PNPLA6: variants seen among roughly 807,000 people sequenced by gnomAD.
PNPLA6 encodes patatin like domain 6, lysophospholipase, also known as patatin-like phospholipase domain-containing protein 6.
A neutral mutation model predicts 153.7 loss-of-function variants in PNPLA6; 105 were observed. The ratio of observed to expected loss-of-function variants is 0.68; its 90% CI spans 0.58 to 0.80. The LOEUF (loss-of-function observed/expected upper bound fraction) is 0.80. PNPLA6 is among the 30% of genes least tolerant of loss of function. The probability of loss-of-function intolerance (pLI) is 0.00; values close to 1 mark genes in which losing one functional copy is unlikely to be tolerated. For synonymous variants in PNPLA6, 825 were observed against 822.2 expected (o/e 1.00, Z -0.06); for missense variants, 1,423 against 1,919.3 (o/e 0.74, Z 4.83).
At chr19:7,550,927 T>A (rs981580092) in intron 16 of PNPLA6, 67 bp from the exon 17 acceptor site, 2 of 1,229,654 alleles carry the variant, frequency 1.6e-6, no homozygotes, top group African/African-American at 3.0e-5. Flanking sequence ...TACAGCCCCC[T>A]TTCCACCCAT....
intron 26 of PNPLA6, 195 bp downstream of exon 26, chr19:7,556,919 C>T: frequency 1.5e-6 from 1 of 687,898 alleles, no homozygotes; most frequent in Non-Finnish European, 2.6e-6. Context: ...GGGAGGGGAG[C>T]AGGGAGACTC....
intron 24 of PNPLA6, 83 bp from the exon 25 acceptor site, chr19:7,556,369 GC>G: frequency 1.2e-6 from 1 of 859,588 alleles, no homozygotes. Context: ...GCCCCTAAGT[GC>G]TGCTTGCTCA....
intron 21 of PNPLA6, 32 bp downstream of exon 21, chr19:7,554,755 C>T (rs756589864): frequency 3.1e-6 from 5 of 1,607,140 alleles, no homozygotes; most frequent in Middle Eastern, 1.8e-4. Flanking sequence ...ATCTCACCCA[C>T]CTCGGGTCCC....
chr19:7,554,428 G>C, intron 20 of PNPLA6, 127 bp from the exon 21 acceptor site: 1 of 1,279,576 alleles, frequency 7.8e-7, no homozygotes, highest in Non-Finnish European at 1.1e-6. Flanking sequence ...TCTGCCCACC[G>C]GAGCACGGAC....
chr19:7,540,713 G>T lies in PNPLA6; in HGVS notation c.795+3G>T. The T allele has an allele frequency of 6.2e-6, 10 of 1,612,190 alleles. No individual in the cohort carries two copies. Among genetic ancestry groups the T allele is most frequent in the Non-Finnish European group, 8.5e-6 (10 of 1,178,236 alleles). Reference sequence around the variant, plus strand: ...TCAGCATCCTGGATGTCATCACCGTGAGTGACCAGTTTCTGAGGCAGGGGG... The same window carrying T: ...TCAGCATCCTGGATGTCATCACCGTTAGTGACCAGTTTCTGAGGCAGGGGG... On this transcript the variant is annotated splice_donor_region_variant and intron_variant, in intron 6 of 31. Coordinates refer to ENST00000600737, the MANE Select transcript of PNPLA6 (RefSeq NM_001166114.2). This position sits in a 1 kb window ranked among gnomAD's most constrained non-coding sequence, Gnocchi z 6.8.
intron 28 of PNPLA6, 34 bp downstream of exon 28, chr19:7,559,185 G>A (rs765371083): frequency 3.1e-6 from 5 of 1,594,418 alleles, no homozygotes; most frequent in Non-Finnish European, 4.3e-6. Context: ...TGCCTGCATA[G>A]GTGGTCCGGC....
At position 7,541,980 on chromosome 19, in the gene PNPLA6, C is replaced by G. The variant is rs1316429653; in HGVS notation, c.1169-4C>G. On this transcript the variant is annotated splice_region_variant and splice_polypyrimidine_tract_variant and intron_variant, in intron 9 of 31. Coordinates refer to ENST00000600737, the MANE Select transcript of PNPLA6 (RefSeq NM_001166114.2). This position sits in a 1 kb window ranked among gnomAD's most constrained non-coding sequence, Gnocchi z 5.2. ...GCAGGAGCCTGAACATGTGTCTCCCCCAGGGGACCCTGTGAAGCCCACATC... is the reference window on the plus strand; with the variant it reads ...GCAGGAGCCTGAACATGTGTCTCCCGCAGGGGACCCTGTGAAGCCCACATC... 6.2e-7 allele frequency: 1 copy of G among 1,607,404 alleles called. No individual in the cohort carries two copies. The highest frequency in any genetic ancestry group is 1.3e-5 in the African/African-American group (1 of 74,900).
At position 7,560,685 on chromosome 19, in the gene PNPLA6, G is replaced by A; in HGVS notation, c.3737G>A (p.Gly1246Asp). The change falls in exon 29 of 32, where the codon GGC (glycine) becomes GAC (aspartate). Residue 1246 changes from glycine to aspartate, a missense_variant. Gly to Asp is a moderately conservative substitution (Grantham distance 94, BLOSUM62 -1). Around this residue, in one of 10 missense-constraint regions of PNPLA6, gnomAD observed 643 missense variants for 835.2 expected, o/e 0.77. Transcript: ENST00000600737. ...GYQYGKAVFG[G>D]WSRGNVIEKM... The stretch of plus-strand genomic sequence containing the variant: ...CAGTACGGGAAGGCGGTGTTTGGAG[G>A]CTGGAGCCGTGGCAACGTCATTGAG... 1.2e-6 allele frequency: 2 copies of A among 1,613,970 alleles called. No homozygotes were observed. The highest frequency in any genetic ancestry group is 1.7e-6 in the Non-Finnish European group (2 of 1,179,882).
chr19:7,539,876 T>A (rs1311323710), intron 3 of PNPLA6, 42 bp from the exon 4 acceptor site: 6 of 1,379,978 alleles, frequency 4.3e-6, no homozygotes, highest in Non-Finnish European at 9.9e-7. Flanking sequence ...CTGAGCCTTC[T>A]CCGTGCCCCC....
Position 7,541,232 on chromosome 19 carries a change from C to A in PNPLA6, c.925-122C>A. 1 of 1,113,764 alleles carries A rather than the reference C, an allele frequency of 9.0e-7. No homozygotes were observed. Among genetic ancestry groups the A allele is most frequent in the Non-Finnish European group, 1.3e-6 (1 of 755,084 alleles). The allele number at this position is 1,113,764 out of a possible 1,614,324, so 69.0% of individuals were successfully genotyped here. A position where few individuals can be genotyped will look rare whatever the true frequency, so the allele number is the denominator to read the frequency against. On this transcript the variant is annotated intron_variant, in intron 7 of 31. Transcript: ENST00000600737. The surrounding 1 kb of genome is among the most constrained non-coding windows in gnomAD (Gnocchi z 5.2). Reference sequence around the variant, plus strand: ...CCTTAGCTGCCTCGCCCCATTTCCCCAGACTGTGGGTCTCTCCCTGGTTCC... The same window carrying A: ...CCTTAGCTGCCTCGCCCCATTTCCCAAGACTGTGGGTCTCTCCCTGGTTCC...
rs1205931912 is a variant in PNPLA6 at position 7,554,543 on chromosome 19, T to C, written c.2466-12T>C. The stretch of plus-strand genomic sequence containing the variant: ...CCAACCCCAGGATGACGCTGCCCCC[T>C]TCCCACCCTAGCATCCAAGAGTTCC... On this transcript the variant is annotated splice_polypyrimidine_tract_variant and intron_variant, in intron 20 of 31. Coordinates refer to ENST00000600737, the MANE Select transcript of PNPLA6 (RefSeq NM_001166114.2). 2 of 1,613,844 alleles carry C rather than the reference T, an allele frequency of 1.2e-6. No homozygotes were observed. Among genetic ancestry groups the C allele is most frequent in the Admixed American group, 1.7e-5 (1 of 59,996 alleles).
chr19:7,560,572 C>A, intron 28 of PNPLA6, 76 bp from the exon 29 acceptor site: 1 of 1,004,038 alleles, frequency 1.0e-6, no homozygotes, highest in Non-Finnish European at 1.6e-6. Context: ...TTTTGAGGGG[C>A]CAGAGAATGG....
At chr19:7,561,344 T>G in intron 31 of PNPLA6, 27 bp downstream of exon 31, 1 of 1,531,598 alleles carries the variant, frequency 6.5e-7, no homozygotes. Context: ...CAGGGTCCCC[T>G]CACATCCCCC....
intron 16 of PNPLA6, 93 bp from the exon 17 acceptor site, chr19:7,550,901 G>T: frequency 9.9e-7 from 1 of 1,014,218 alleles, no homozygotes. Flanking sequence ...TTGCAGGGGA[G>T]CCCTAGATGG....
At chr19:7,539,254 G>C (rs146424467) in intron 3 of PNPLA6, among the ~76,000 whole-genome samples, 7 of 152,192 alleles carry the variant, frequency 4.6e-5, no homozygotes, top group Admixed American at 4.6e-4. Flanking sequence ...GAGGCGGGAG[G>C]ATCACTTGAG....
intron 3 of PNPLA6, among the ~76,000 whole-genome samples, chr19:7,538,050 T>A (rs778804688): frequency 2.0e-5 from 3 of 152,108 alleles, no homozygotes; most frequent in Non-Finnish European, 4.4e-5. Flanking sequence ...GTCTGTAGTG[T>A]TTGCACACTC....
chr19:7,536,406 G>T lies in PNPLA6; in HGVS notation c.316-43G>T, dbSNP rs1417799311. The T allele has an allele frequency of 6.1e-6, 9 of 1,483,646 alleles. No homozygotes were observed. The South Asian group carries it at 9.1e-5, about 15-fold the overall frequency. The allele number at this position is 1,483,646 out of a possible 1,614,324, so 91.9% of individuals were successfully genotyped here. A position where few individuals can be genotyped will look rare whatever the true frequency, so the allele number is the denominator to read the frequency against. On this transcript the variant is annotated intron_variant, in intron 2 of 31. Transcript: ENST00000600737. ...TGGATCCGTCTGCCTCTTCTCCAAG[G>T]TCTGAATTAGCAATTCACCCATCTC...
chr19:7,542,733 C>G, intron 11 of PNPLA6, 28 bp from the exon 12 acceptor site: 1 of 1,612,786 alleles, frequency 6.2e-7, no homozygotes, highest in South Asian at 1.1e-5. Context: ...GAGGGAGCAT[C>G]AGGAGGTCAC....
At chr19:7,538,826 G>C (rs188603028) in intron 3 of PNPLA6, among the ~76,000 whole-genome samples, 1 of 152,220 alleles carries the variant, frequency 6.6e-6, no homozygotes, top group East Asian at 1.9e-4. Context: ...GCATACTCAC[G>C]TTAAGGGGAC....
Sources: allele counts gnomAD v4.1 joint callset (sites outside exome capture counted in the v4.1 genomes callset), GRCh38; gene constraint gnomAD v4.1.1; regional missense constraint gnomAD v4.1.1; non-coding constraint Gnocchi (gnomAD v3.1); transcripts MANE v1.5; gene names NCBI Gene and HGNC (gene_info 2026-07-23, HGNC 2026-07-21).